Variants in AGAP1 observed in about 807,000 individuals in gnomAD.
The protein encoded by AGAP1 is arf-GAP with GTPase, ANK repeat and PH domain-containing protein 1.
Under a neutral mutation model 105.3 loss-of-function variants are expected in AGAP1, and 29 were observed. The ratio of observed to expected loss-of-function variants is 0.28; its 90% CI spans 0.21 to 0.38. AGAP1 has a LOEUF of 0.38. AGAP1 is among the 10% of genes least tolerant of loss of function. The probability of loss-of-function intolerance (pLI) is 1.00; values close to 1 mark genes in which losing one functional copy is unlikely to be tolerated. For missense variants in AGAP1, 998 were observed against 1,165.1 expected, an observed-to-expected ratio of 0.86 and a Z score of 2.09; for synonymous variants, 509 against 485.9, an observed-to-expected ratio of 1.05 and a Z score of -0.63.
rs1245765927 is a variant in AGAP1 at position 235,625,564 on chromosome 2, A to C, written c.164-83615A>C. Among the ~76,000 whole-genome samples, 2 of 152,210 alleles carry C rather than the reference A, an allele frequency of 1.3e-5. No homozygotes were observed. Among genetic ancestry groups the C allele is most frequent in the African/African-American group, 4.8e-5 (2 of 41,458 alleles). ...TGATTTTGCAAGTACAAGTCACCAGATTTTAGTTGTTTATAAACTTCAGCT... is the reference window on the plus strand; with the variant it reads ...TGATTTTGCAAGTACAAGTCACCAGCTTTTAGTTGTTTATAAACTTCAGCT... On this transcript the variant is annotated intron_variant, in intron 1 of 17. Coordinates refer to ENST00000304032, the MANE Select transcript of AGAP1 (RefSeq NM_001037131.3). The surrounding 1 kb of genome is among the most constrained non-coding windows in gnomAD (Gnocchi z 4.0).
chr2:236,075,662 C>T (rs1363068945), intron 16 of AGAP1, among the ~76,000 whole-genome samples: 4 of 152,190 alleles, frequency 2.6e-5, no homozygotes, highest in Non-Finnish European at 5.9e-5. Flanking sequence ...GAGCTGCTTT[C>T]TCCTCCGCTG....
chr2:236,033,818 C>T lies in AGAP1; in HGVS notation c.1646-2743C>T, dbSNP rs143621346. ...TAGCTCATGACTGGCTAGAGCCAGA[C>T]ATTTGAGCAGGAAAGCTTTACAGGG... On this transcript the variant is annotated intron_variant, in intron 13 of 17. Coordinates refer to ENST00000304032, the MANE Select transcript of AGAP1 (RefSeq NM_001037131.3). 7.8e-3 allele frequency among the ~76,000 whole-genome samples: 1,191 copies of T among 152,346 alleles called. 12 individuals are homozygous for T. The highest frequency in any genetic ancestry group is 0.027 in the African/African-American group (1,128 of 41,578).
chr2:235,781,134 ACCTTTC>A (rs1489781110), intron 6 of AGAP1, among the ~76,000 whole-genome samples: 1 of 152,064 alleles, frequency 6.6e-6, no homozygotes, highest in Non-Finnish European at 1.5e-5. Flanking sequence ...AATCTTACAG[ACCTTTC>A]CCTACCTGTC....
intron 15 of AGAP1, among the ~76,000 whole-genome samples, chr2:236,041,380 A>G (rs535215730): frequency 2.6e-4 from 36 of 137,558 alleles, no homozygotes; most frequent in Non-Finnish European, 4.6e-4. Flanking sequence ...CCATCAAATG[A>G]TGTCTTGTTT....
At position 235,882,432 on chromosome 2, in the gene AGAP1, G is replaced by C; in HGVS notation, c.1051-913G>C. On this transcript the variant is annotated intron_variant, in intron 9 of 17. Transcript: ENST00000304032. The surrounding 1 kb of genome is among the most constrained non-coding windows in gnomAD (Gnocchi z 4.6). ...CAGGGTGTTCTTCTCCTGCGTCTCC[G>C]TTTTCTTCAGCTTGGCCCTATTGAA... is the stretch of plus-strand genomic sequence containing the variant. The C allele has an allele frequency of 6.3e-7, 1 of 1,585,548 alleles. No homozygotes were observed. Among genetic ancestry groups the C allele is most frequent in the Non-Finnish European group, 8.6e-7 (1 of 1,157,730 alleles).
intron 10 of AGAP1, among the ~76,000 whole-genome samples, chr2:235,903,788 A>G (rs1026851778): frequency 6.6e-6 from 1 of 152,110 alleles, no homozygotes; most frequent in Non-Finnish European, 1.5e-5. Context: ...AGGACTTTGT[A>G]CCACCCTCCT....
At chr2:235,806,430 A>G (rs550544273) in intron 8 of AGAP1, among the ~76,000 whole-genome samples, 2 of 152,116 alleles carry the variant, frequency 1.3e-5, no homozygotes, top group Non-Finnish European at 2.9e-5. Context: ...GAGAGAGGAG[A>G]CTGAGACGAT....
rs1040703048 is a variant in AGAP1 at position 236,120,430 on chromosome 2, G to A, written c.2353G>A (p.Ala785Thr). The change falls in exon 17 of 18, where the codon GCG becomes ACG. Residue 785 changes from alanine (A) to threonine (T), a missense_variant. By Grantham distance (58) the Ala-to-Thr change is moderately conservative. Transcript: ENST00000304032. The surrounding 1 kb of genome is among the most constrained non-coding windows in gnomAD (Gnocchi z 6.0). ...LACRKGNVVL[A>T]QLLIWYGVDV... ...CTGCCGCAAGGGGAATGTGGTCCTG[G>A]CGCAGCTCCTGATCTGGGTAGGTGG... is the stretch of plus-strand genomic sequence containing the variant. 2 of 1,611,320 alleles carry A rather than the reference G, an allele frequency of 1.2e-6. No individual in the cohort carries two copies. The highest frequency in any genetic ancestry group is 2.7e-5 in the African/African-American group (2 of 74,890).
chr2:235,836,736 G>A (rs1035752649), intron 9 of AGAP1, among the ~76,000 whole-genome samples: 6 of 152,138 alleles, frequency 3.9e-5, no homozygotes, highest in East Asian at 1.9e-4. Flanking sequence ...CTCAAGGAGC[G>A]GGAGAAGATG....
rs147809037 is a variant in AGAP1 at position 236,024,176 on chromosome 2, A to G, written c.1646-12385A>G. Among the ~76,000 whole-genome samples, 913 of 151,860 alleles carry G rather than the reference A, an allele frequency of 6.0e-3. 5 individuals are homozygous for G. Among genetic ancestry groups the G allele is most frequent in the African/African-American group, 0.02 (825 of 41,426 alleles). On this transcript the variant is annotated intron_variant, in intron 13 of 17. Transcript: ENST00000304032. The stretch of plus-strand genomic sequence containing the variant: ...CTCCCAAGTAGCTGGGACTACAGGC[A>G]CACACCACCACGCCCAGCTAATTTT...
intron 1 of AGAP1, among the ~76,000 whole-genome samples, chr2:235,562,112 A>G (rs887983881): frequency 2.6e-5 from 4 of 152,214 alleles, no homozygotes; most frequent in Admixed American, 2.6e-4. Flanking sequence ...TATGTCAAGC[A>G]ATCTTCTAAA....
In AGAP1 at chr2:236,056,020, A is replaced by T. The variant is rs2058042493; in HGVS notation, c.2114+6739A>T. On this transcript the variant is annotated intron_variant, in intron 16 of 17. Transcript: ENST00000304032. The surrounding 1 kb of genome is among the most constrained non-coding windows in gnomAD (Gnocchi z 4.6). ...ACTGCCTTTAAAATAATACCTACAG[A>T]TTACAGTTGACAACAGATAGAGCAA... is the stretch of plus-strand genomic sequence containing the variant. Among the ~76,000 whole-genome samples the T allele has an allele frequency of 1.3e-5, 2 of 152,194 alleles. No homozygotes were observed. Among genetic ancestry groups the T allele is most frequent in the Admixed American group, 1.3e-4 (2 of 15,282 alleles).
rs1207018175 is a variant in AGAP1, at chr2:235,962,729, G to A, written c.1484-5733G>A. ...CCAAAATTCCAAAGGAGGTGTGTGC[G>A]AGAGGTTGAAAACTAGAAGCTCTGG... is the stretch of plus-strand genomic sequence containing the variant. On this transcript the variant is annotated intron_variant, in intron 12 of 17. Coordinates refer to ENST00000304032, the MANE Select transcript of AGAP1 (RefSeq NM_001037131.3). This position sits in a 1 kb window ranked among gnomAD's most constrained non-coding sequence, Gnocchi z 5.3. Among the ~76,000 whole-genome samples the A allele has an allele frequency of 1.3e-5, 2 of 152,194 alleles. No individual in the cohort carries two copies. The highest frequency in any genetic ancestry group is 2.4e-5 in the African/African-American group (1 of 41,458).
rs540352651 is a variant in AGAP1 at position 235,993,714 on chromosome 2, C to G, written c.1645+25091C>G. Among the ~76,000 whole-genome samples, 1 of 152,264 alleles carries G rather than the reference C, an allele frequency of 6.6e-6. No individual in the cohort carries two copies. The highest frequency in any genetic ancestry group is 2.1e-4 in the South Asian group (1 of 4,820). ...TGAGGAACGCTTCCTTTGAAAATAC[C>G]CTAGTTTAACTTAAACTCTTTCTTA... On this transcript the variant is annotated intron_variant, in intron 13 of 17. Transcript: ENST00000304032. This position sits in a 1 kb window ranked among gnomAD's most constrained non-coding sequence, Gnocchi z 5.0.
At position 235,963,334 on chromosome 2, in the gene AGAP1, G is replaced by A. The variant is rs2054264168; in HGVS notation, c.1484-5128G>A. 6.6e-6 allele frequency among the ~76,000 whole-genome samples: 1 copy of A among 152,196 alleles called. No individual in the cohort carries two copies. The highest frequency in any genetic ancestry group is 1.5e-5 in the Non-Finnish European group (1 of 68,038). On this transcript the variant is annotated intron_variant, in intron 12 of 17. Transcript: ENST00000304032. The surrounding 1 kb of genome is among the most constrained non-coding windows in gnomAD (Gnocchi z 5.1). ...TGATTTCCAGAAACGTGAATTCTGA[G>A]CTAGATGCCAGTGAGTCAGGTCACA...
At chr2:236,041,507 T>A (rs537198064) in intron 15 of AGAP1, among the ~76,000 whole-genome samples, 20 of 152,314 alleles carry the variant, frequency 1.3e-4, no homozygotes, top group African/African-American at 4.8e-4. Flanking sequence ...CGTTGTCTAA[T>A]CCATACTATT....
Position 235,551,810 on chromosome 2 carries a change from T to C in AGAP1, c.163+56961T>C, listed in dbSNP as rs1943819107. The stretch of plus-strand genomic sequence containing the variant: ...CCTTGACTGGTAGATCCTGAAGGCG[T>C]AGAAAGAGGGTCCTCTGGAGAACAC... On this transcript the variant is annotated intron_variant, in intron 1 of 17. Coordinates refer to ENST00000304032, the MANE Select transcript of AGAP1 (RefSeq NM_001037131.3). This position sits in a 1 kb window ranked among gnomAD's most constrained non-coding sequence, Gnocchi z 4.8. Among the ~76,000 whole-genome samples, 1 of 152,110 alleles carries C rather than the reference T, an allele frequency of 6.6e-6. No individual in the cohort carries two copies. Among genetic ancestry groups the C allele is most frequent in the Non-Finnish European group, 1.5e-5 (1 of 68,016 alleles).
rs1342390964 is a variant in AGAP1, at chr2:236,113,133, A to T, written c.2115-7059A>T. On this transcript the variant is annotated intron_variant, in intron 16 of 17. Coordinates refer to ENST00000304032, the MANE Select transcript of AGAP1 (RefSeq NM_001037131.3). This position sits in a 1 kb window ranked among gnomAD's most constrained non-coding sequence, Gnocchi z 4.3. Reference sequence around the variant, plus strand: ...ACGTGTGCATCTTGTTCCACATTAGATATGGAGTTTGTTTTGTTTGTTTTT... The same window carrying T: ...ACGTGTGCATCTTGTTCCACATTAGTTATGGAGTTTGTTTTGTTTGTTTTT... Among the ~76,000 whole-genome samples the T allele has an allele frequency of 6.6e-6, 1 of 152,016 alleles. No individual in the cohort carries two copies. Among genetic ancestry groups the T allele is most frequent in the African/African-American group, 2.4e-5 (1 of 41,378 alleles).
At chr2:235,786,909 A>G (rs1244062809) in intron 6 of AGAP1, among the ~76,000 whole-genome samples, 1 of 151,840 alleles carries the variant, frequency 6.6e-6, no homozygotes, top group African/African-American at 2.4e-5. Context: ...TGGCCCTGCC[A>G]CTCTCTTCCC....
Sources: allele counts gnomAD v4.1 joint callset (sites outside exome capture counted in the v4.1 genomes callset), GRCh38; gene constraint gnomAD v4.1.1; non-coding constraint Gnocchi (gnomAD v3.1); transcripts MANE v1.5; gene names NCBI Gene and HGNC (gene_info 2026-07-23, HGNC 2026-07-21).